Variants in CFI observed in about 807,000 individuals in gnomAD.
CFI encodes the protein C3B/C4B inactivator.
A neutral mutation model predicts 78.8 loss-of-function variants in CFI; 66 were observed. The ratio of observed to expected loss-of-function variants is 0.84; its 90% CI spans 0.69 to 1.03. The LOEUF (loss-of-function observed/expected upper bound fraction) is 1.03. Among genes scored for constraint, CFI ranks in the 50% least tolerant of loss-of-function variants. CFI has a pLI of 0.00. For missense variants in CFI, 706 were observed against 704.5 expected (o/e 1.00, Z -0.02); for synonymous variants, 250 against 232.6 (o/e 1.07, Z -0.68).
intron 11 of CFI, 140 bp downstream of exon 11, chr4:109,746,082 G>A: frequency 9.8e-7 from 1 of 1,022,400 alleles, no homozygotes; most frequent in South Asian, 1.5e-5. Flanking sequence ...AACCCATGAA[G>A]CCAGCCATGG....
At chr4:109,750,405 G>T (rs2126193040) in intron 8 of CFI, among the ~76,000 whole-genome samples, 1 of 152,220 alleles carries the variant, frequency 6.6e-6, no homozygotes, top group East Asian at 1.9e-4. Flanking sequence ...CCCATACTGA[G>T]TCTTTGTATA....
chr4:109,736,657 T>C (rs1165579701), downstream of CFI, among the ~76,000 whole-genome samples: 3 of 152,158 alleles, frequency 2.0e-5, no homozygotes, highest in African/African-American at 7.2e-5. Flanking sequence ...GTATGCACAA[T>C]GTAAGATTGC....
At chr4:109,753,146 T>A (rs1292268757) in intron 7 of CFI, among the ~76,000 whole-genome samples, 3 of 78,932 alleles carry the variant, frequency 3.8e-5, no homozygotes, top group African/African-American at 1.5e-4. Context: ...ATTTATAATA[T>A]ATATTTATTA....
chr4:109,771,459 C>T (rs965652191), intron 1 of CFI, among the ~76,000 whole-genome samples: 2 of 150,172 alleles, frequency 1.3e-5, no homozygotes, highest in Admixed American at 6.6e-5. Context: ...AATCCCAGCA[C>T]TTTGGGATGC....
Position 109,749,600 on chromosome 4 carries a change from T to C in CFI, c.943A>G (p.Arg315Gly). 6 of 1,578,264 alleles carry C rather than the reference T, an allele frequency of 3.8e-6. No homozygotes were observed. Among genetic ancestry groups the C allele is most frequent in the Non-Finnish European group, 5.2e-6 (6 of 1,147,454 alleles). Residue 315 changes from arginine (R) to glycine (G), a missense_variant and splice_region_variant, in exon 9 of 13, where the codon AGA becomes GGA. Arg to Gly is a moderately radical substitution (Grantham distance 125). Transcript: ENST00000394634. ...EILTADMDAE[R>G]RRIKSLLPKL... ...GGTAATAATGATTTTATCCGTCTTC[T>C]TTCTTCAAGAAAGGAAGAGATTACA...
At chr4:109,766,947 T>C (rs1712297951) in intron 1 of CFI, 123 bp from the exon 2 acceptor site, 1 of 941,184 alleles carries the variant, frequency 1.1e-6, no homozygotes, top group Admixed American at 2.3e-5. Flanking sequence ...TGGTGTTGTC[T>C]GGTGGCTTCA....
chr4:109,801,978 G>A lies in CFI; in HGVS notation c.-7C>T, dbSNP rs1732818090. The A allele has an allele frequency of 6.2e-7, 1 of 1,610,200 alleles. No homozygotes were observed. The highest frequency in any genetic ancestry group is 8.5e-7 in the Non-Finnish European group (1 of 1,176,708). ...AAACATGAAGAAGCTTCATGTTGGA[G>A]GTGTTCGGGGTCTTTGTCTCTGCTG... On this transcript the variant is annotated 5_prime_UTR_variant, in exon 1 of 13. Transcript: ENST00000394634.
At chr4:109,793,592 G>A (rs1484448630) in intron 1 of CFI, 1 of 152,162 alleles carries the variant, frequency 6.6e-6, no homozygotes, top group Admixed American at 6.6e-5. Context: ...AAGTGGTGTA[G>A]TCAGAGCTCA....
the CFI span, among the ~76,000 whole-genome samples, chr4:109,732,248 A>T: frequency 6.6e-6 from 1 of 152,148 alleles, no homozygotes; most frequent in African/African-American, 2.4e-5. Context: ...CTCCTTAGGG[A>T]TTAAATTCTC....
rs1728096212 is a variant in CFI, at chr4:109,768,421, G to A, written c.58-1597C>T. Reference sequence around the variant, plus strand: ...GGCACTTACTGTTACATGATGCAGGGCAAGTGACCCTCCTGAAACGTGAAT... The same window carrying A: ...GGCACTTACTGTTACATGATGCAGGACAAGTGACCCTCCTGAAACGTGAAT... On this transcript the variant is annotated intron_variant, in intron 1 of 12. Transcript: ENST00000394634. 2.0e-5 allele frequency among the ~76,000 whole-genome samples: 3 copies of A among 151,510 alleles called. 1 individual carries two copies. In the South Asian group the frequency reaches 6.2e-4, roughly 32 times the overall value.
chr4:109,777,611 T>C (rs1445191979), intron 1 of CFI, among the ~76,000 whole-genome samples: 1 of 152,194 alleles, frequency 6.6e-6, no homozygotes, highest in African/African-American at 2.4e-5. Context: ...GGAATTGAAC[T>C]CAGCTCTGCA....
chr4:109,749,500 A>G lies in CFI; in HGVS notation c.1043T>C (p.Leu348Pro). 1 of 1,611,116 alleles carries G rather than the reference A, an allele frequency of 6.2e-7. No individual in the cohort carries two copies. Among genetic ancestry groups the G allele is most frequent in the South Asian group, 1.1e-5 (1 of 91,018 alleles). The change falls in exon 9 of 13, where the codon CTG becomes CCG. Residue 348 changes from leucine (L) to proline (P), a missense_variant and splice_region_variant. Physicochemically the swap from Leu to Pro is moderately conservative, Grantham distance 98 (BLOSUM62 -3). Transcript: ENST00000394634. ...KRIVGGKRAQLGDLPWQVAIK... is the reference protein window; with the variant it reads ...KRIVGGKRAQPGDLPWQVAIK... ...TTGTGACTTTTCATGCGACTTTACCAGTTGTGCTCGCTTTCCTCCCACAAT... is the reference window on the plus strand; with the variant it reads ...TTGTGACTTTTCATGCGACTTTACCGGTTGTGCTCGCTTTCCTCCCACAAT...
At chr4:109,757,683 G>A (rs1192344124) in intron 7 of CFI, 80 bp downstream of exon 7, 1 of 935,154 alleles carries the variant, frequency 1.1e-6, no homozygotes, top group Non-Finnish European at 1.7e-6. Flanking sequence ...TCCATTAACA[G>A]TTACATTAAA....
chr4:109,785,651 G>A (rs1261792566), intron 1 of CFI, among the ~76,000 whole-genome samples: 1 of 151,884 alleles, frequency 6.6e-6, no homozygotes, highest in Non-Finnish European at 1.5e-5. Flanking sequence ...ATATGGTTAG[G>A]CTTTGTGTCC....
rs377171226 is a variant in CFI, at chr4:109,786,969, T to C, written c.57+14946A>G. Among the ~76,000 whole-genome samples the C allele has an allele frequency of 7.9e-5, 12 of 152,188 alleles. No homozygotes were observed. The South Asian group carries it at 2.5e-3, about 32-fold the overall frequency. On this transcript the variant is annotated intron_variant, in intron 1 of 12. Transcript: ENST00000394634. ...TTGAAAGATGCTTGGAAAGTACTTG[T>C]GCAACTGGGTTTGTCCTTGTGTTTC... is the stretch of plus-strand genomic sequence containing the variant.
At chr4:109,788,831 T>C (rs905834506) in intron 1 of CFI, among the ~76,000 whole-genome samples, 4 of 151,910 alleles carry the variant, frequency 2.6e-5, no homozygotes, top group Non-Finnish European at 4.4e-5. Context: ...CAAGGCAAAA[T>C]TAATAATATT....
intron 1 of CFI, among the ~76,000 whole-genome samples, chr4:109,767,046 G>A (rs1025220980): frequency 6.6e-6 from 1 of 152,136 alleles, no homozygotes; most frequent in African/African-American, 2.4e-5. Flanking sequence ...TTCCCTATTT[G>A]ATAAATGGTG....
intron 1 of CFI, among the ~76,000 whole-genome samples, chr4:109,768,429 C>A (rs1006205105): frequency 1.3e-5 from 2 of 151,510 alleles, no homozygotes; most frequent in African/African-American, 4.9e-5. Context: ...GGGCAAGTGA[C>A]CCTCCTGAAA....
At chr4:109,763,738 C>T (rs925851659) in intron 3 of CFI, among the ~76,000 whole-genome samples, 1 of 151,680 alleles carries the variant, frequency 6.6e-6, no homozygotes, top group Non-Finnish European at 1.5e-5. Flanking sequence ...AAATACTCAG[C>T]CACAAAGCAA....
Sources: allele counts gnomAD v4.1 joint callset (sites outside exome capture counted in the v4.1 genomes callset), GRCh38; gene constraint gnomAD v4.1.1; transcripts MANE v1.5; gene names NCBI Gene and HGNC (gene_info 2026-07-23, HGNC 2026-07-21).